Variants in GRM7 observed in about 807,000 individuals in gnomAD.
The protein encoded by GRM7 is metabotropic glutamate receptor 7.
GRM7 carries 35 observed loss-of-function variants against 84.5 expected under a neutral mutation model. That is an observed-to-expected ratio of 0.41 (90% confidence interval 0.32 to 0.55). The LOEUF is 0.55. Ranked by LOEUF, GRM7 falls within the 20% of genes least tolerant of loss-of-function variation. The pLI, the probability that GRM7 is intolerant of heterozygous loss-of-function variation, is 0.19. For synonymous variants in GRM7, 487 were observed against 455.1 expected (o/e 1.07, Z -0.89); for missense variants, 1,003 against 1,194.6 (o/e 0.84, Z 2.36).
chr3:7,592,474 AAG>A, intron 8 of GRM7, among the ~76,000 whole-genome samples: 1 of 152,272 alleles, frequency 6.6e-6, no homozygotes, highest in East Asian at 1.9e-4. Context: ...AAATGACTAG[AAG>A]AGTAGTGTGA....
At chr3:6,918,857 G>C (rs1459875011) in intron 1 of GRM7, among the ~76,000 whole-genome samples, 1 of 152,158 alleles carries the variant, frequency 6.6e-6, no homozygotes, top group Admixed American at 6.5e-5. Flanking sequence ...TCCAGTCCCG[G>C]TTTCCAAATC....
intron 1 of GRM7, among the ~76,000 whole-genome samples, chr3:7,015,282 G>A (rs1272505920): frequency 2.0e-5 from 3 of 152,262 alleles, no homozygotes; most frequent in East Asian, 3.9e-4. Flanking sequence ...AAGGTCCGTG[G>A]CTTCATTCTT....
intron 2 of GRM7, among the ~76,000 whole-genome samples, chr3:7,274,773 A>G (rs1559545238): frequency 1.3e-5 from 2 of 151,568 alleles, no homozygotes; most frequent in African/African-American, 4.8e-5. Context: ...GTTGTTTTGT[A>G]TTGTCATTTT....
intron 1 of GRM7, among the ~76,000 whole-genome samples, chr3:6,915,543 A>G (rs1696913474): frequency 6.6e-6 from 1 of 152,204 alleles, no homozygotes; most frequent in Non-Finnish European, 1.5e-5. Flanking sequence ...TTCTTACTTT[A>G]ACAAAAATCG....
At chr3:7,632,004 G>T (rs757583884) in intron 8 of GRM7, among the ~76,000 whole-genome samples, 5 of 152,262 alleles carry the variant, frequency 3.3e-5, no homozygotes, top group African/African-American at 4.8e-5. Flanking sequence ...TTAAAAGGAG[G>T]CCTAAGGGAA....
chr3:7,210,714 C>G (rs78756097), intron 2 of GRM7, among the ~76,000 whole-genome samples: 2 of 152,066 alleles, frequency 1.3e-5, no homozygotes, highest in Non-Finnish European at 2.9e-5. Context: ...CTGTGACTAC[C>G]CTACCCTTTC....
chr3:7,364,576 C>G (rs529343199), intron 4 of GRM7, among the ~76,000 whole-genome samples: 1 of 151,600 alleles, frequency 6.6e-6, no homozygotes, highest in African/African-American at 2.4e-5. Context: ...TCCTATCAGA[C>G]TGACTTTTTG....
chr3:6,984,913 A>G (rs141124303), intron 1 of GRM7, among the ~76,000 whole-genome samples: 85 of 152,322 alleles, frequency 5.6e-4, no homozygotes, highest in Middle Eastern at 3.4e-3. Context: ...GCGTGTGCCA[A>G]AACAGTTTGT....
intron 8 of GRM7, among the ~76,000 whole-genome samples, chr3:7,627,484 T>C (rs1439280657): frequency 6.6e-6 from 1 of 152,196 alleles, no homozygotes; most frequent in Admixed American, 6.5e-5. Context: ...GGAATTTTCC[T>C]TTGTAGGTGC....
At chr3:7,708,669 T>C (rs529602263) in intron 9 of GRM7, among the ~76,000 whole-genome samples, 2 of 151,688 alleles carry the variant, frequency 1.3e-5, no homozygotes, top group African/African-American at 2.4e-5. Flanking sequence ...ACAGAAAGAG[T>C]TTGAAGGCAG....
At chr3:7,434,229 A>G (rs1351584898) in intron 5 of GRM7, among the ~76,000 whole-genome samples, 1 of 152,148 alleles carries the variant, frequency 6.6e-6, no homozygotes, top group Admixed American at 6.6e-5. Context: ...GATTTCTTAG[A>G]ATTTTTATAT....
chr3:7,247,407 ACAAAATATTTAAAACAATTAGTTGGG>A (rs1697805940), intron 2 of GRM7, among the ~76,000 whole-genome samples: 2 of 151,970 alleles, frequency 1.3e-5, no homozygotes, highest in Admixed American at 1.3e-4. Context: ...CCCTATCTCT[ACAAAATATTTAAAACAATTAGTTGGG>A]CAAAATATTT....
intron 7 of GRM7, among the ~76,000 whole-genome samples, chr3:7,539,795 A>C (rs1387459932): frequency 6.6e-6 from 1 of 151,964 alleles, no homozygotes; most frequent in African/African-American, 2.4e-5. Flanking sequence ...TAACTTCAAG[A>C]GTTCATGGGA....
chr3:7,098,569 C>G (rs1698935684), intron 1 of GRM7, among the ~76,000 whole-genome samples: 1 of 151,836 alleles, frequency 6.6e-6, no homozygotes, highest in East Asian at 1.9e-4. Flanking sequence ...TTCTACCCAA[C>G]AGTAATGAAG....
rs201480236 is a variant in GRM7, at chr3:7,360,844, TTTTCTTCC to T, written c.1034-54167_1034-54160del. Among the ~76,000 whole-genome samples the T allele has an allele frequency of 6.1e-3, 930 of 152,224 alleles. 6 individuals are homozygous for T. Among genetic ancestry groups the T allele is most frequent in the African/African-American group, 0.021 (876 of 41,570 alleles). On this transcript the variant is annotated intron_variant, in intron 4 of 9. Transcript: ENST00000357716. ...ATTAGTCCCCACAAGTTTGATCTTCTTTTCTTCCTTTCTTCCTTTATTCTCTTTTTTTC... is the reference window on the plus strand; with the variant it reads ...ATTAGTCCCCACAAGTTTGATCTTCTTTTCTTCCTTTATTCTCTTTTTTTC...
intron 8 of GRM7, among the ~76,000 whole-genome samples, chr3:7,634,836 G>A (rs1035146177): frequency 1.3e-5 from 2 of 151,866 alleles, no homozygotes; most frequent in African/African-American, 4.8e-5. Context: ...GAAATCCGCA[G>A]ATCTTTCAAG....
In GRM7 at chr3:6,997,282, G is replaced by A. The variant is rs185272693; in HGVS notation, c.519+135375G>A. The stretch of plus-strand genomic sequence containing the variant: ...TTTTATTATCTTTAATAGAAACTTC[G>A]GCTTAATATTTGTATTAATTTATTG... On this transcript the variant is annotated intron_variant, in intron 1 of 9. Transcript: ENST00000357716. Among the ~76,000 whole-genome samples, 758 of 151,918 alleles carry A rather than the reference G, an allele frequency of 5.0e-3. 10 individuals carry two copies. Among genetic ancestry groups the A allele is most frequent in the African/African-American group, 0.017 (719 of 41,408 alleles).
chr3:7,276,205 ATATGTGTGTG>A (rs1363223233), intron 2 of GRM7, among the ~76,000 whole-genome samples: 78 of 90,000 alleles, frequency 8.7e-4, no homozygotes, highest in African/African-American at 3.8e-3. Flanking sequence ...ATATATATAT[ATATGTGTGTG>A]TGTGTGTGTG....
intron 1 of GRM7, among the ~76,000 whole-genome samples, chr3:7,022,314 G>C (rs1196487833): frequency 1.2e-4 from 17 of 139,222 alleles, no homozygotes; most frequent in Admixed American, 8.9e-4. Flanking sequence ...GAGAGAGTGA[G>C]ACTCTGGCTC....
Sources: allele counts gnomAD v4.1 joint callset (sites outside exome capture counted in the v4.1 genomes callset), GRCh38; gene constraint gnomAD v4.1.1; transcripts MANE v1.5; gene names NCBI Gene and HGNC (gene_info 2026-07-23, HGNC 2026-07-21).